The following ME1 variants were observed in gnomAD, a reference collection of about 807,000 sequenced individuals.
ME1 encodes the protein NADP-dependent malic enzyme.
Under a neutral mutation model 66.4 loss-of-function variants are expected in ME1, and 74 were observed. The observed-to-expected ratio is 1.11, with a 90% confidence interval of 0.92 to 1.35. The LOEUF (loss-of-function observed/expected upper bound fraction) is 1.35. Ranked by LOEUF, ME1 falls within the 40% of genes most tolerant of loss-of-function variation. The probability of loss-of-function intolerance (pLI) is 0.00; values close to 1 mark genes in which losing one functional copy is unlikely to be tolerated. For synonymous variants in ME1, 251 were observed against 235.6 expected (o/e 1.07, Z -0.60); for missense variants, 750 against 694.1 (o/e 1.08, Z -0.90).
At chr6:83,346,364 C>A in intron 4 of ME1, 30 bp from the exon 5 acceptor site, 1 of 1,517,272 alleles carries the variant, frequency 6.6e-7, no homozygotes, top group Non-Finnish European at 8.9e-7. Context: ...TACCTATTAA[C>A]AAGTTTTCAC....
intron 7 of ME1, among the ~76,000 whole-genome samples, chr6:83,246,614 T>G (rs1790628959): frequency 6.6e-6 from 1 of 152,134 alleles, no homozygotes; most frequent in African/African-American, 2.4e-5. Context: ...GGTAATTCAT[T>G]TAACCAAACC....
chr6:83,378,198 G>A (rs1769327599), intron 3 of ME1, among the ~76,000 whole-genome samples: 1 of 151,800 alleles, frequency 6.6e-6, no homozygotes, highest in Admixed American at 6.6e-5. Context: ...AATACAATGG[G>A]GGGGTGGGGA....
intron 6 of ME1, among the ~76,000 whole-genome samples, chr6:83,275,712 G>A (rs1444245764): frequency 1.4e-5 from 2 of 140,204 alleles, no homozygotes; most frequent in Admixed American, 7.6e-5. Context: ...TGATCCGCCC[G>A]CCTCGGCCTC....
intron 6 of ME1, among the ~76,000 whole-genome samples, chr6:83,254,334 C>T (rs1181612649): frequency 6.6e-6 from 1 of 152,112 alleles, no homozygotes; most frequent in Admixed American, 6.6e-5. Flanking sequence ...CCATTCCTCC[C>T]GTCTAGCTTC....
intron 6 of ME1, among the ~76,000 whole-genome samples, chr6:83,291,348 G>A (rs1327126199): frequency 6.6e-6 from 1 of 152,182 alleles, no homozygotes; most frequent in African/African-American, 2.4e-5. Flanking sequence ...TTGCTTGTCT[G>A]TAAAGCATTT....
chr6:83,246,011 T>C (rs1790614319), intron 7 of ME1, among the ~76,000 whole-genome samples: 2 of 152,114 alleles, frequency 1.3e-5, no homozygotes, highest in South Asian at 4.1e-4. Context: ...AGAATGCTAT[T>C]TTCTTTCTTT....
chr6:83,339,836 GGGA>G (rs2128542893), intron 5 of ME1, among the ~76,000 whole-genome samples: 1 of 114,428 alleles, frequency 8.7e-6, no homozygotes, highest in South Asian at 3.4e-4. Flanking sequence ...CGGGGGAGGG[GGGA>G]GGGATAGCAT....
intron 6 of ME1, among the ~76,000 whole-genome samples, chr6:83,286,370 T>A (rs1767397275): frequency 6.6e-6 from 1 of 152,192 alleles, no homozygotes; most frequent in South Asian, 2.1e-4. Context: ...CAGGTGGGTA[T>A]TTTGATGTGT....
intron 3 of ME1, among the ~76,000 whole-genome samples, chr6:83,359,435 G>A (rs560671634): frequency 1.7e-4 from 26 of 152,220 alleles, no homozygotes; most frequent in African/African-American, 6.0e-4. Context: ...TTAAGGGTGT[G>A]GAATAATGTT....
chr6:83,288,963 T>C (rs1767449284), intron 6 of ME1, among the ~76,000 whole-genome samples: 2 of 152,142 alleles, frequency 1.3e-5, no homozygotes, highest in Admixed American at 6.5e-5. Context: ...CTGTTATTGG[T>C]GTATAGGAAT....
chr6:83,319,403 T>C (rs1768110530), intron 5 of ME1, among the ~76,000 whole-genome samples: 1 of 151,820 alleles, frequency 6.6e-6, no homozygotes. Flanking sequence ...CCAGCCAACA[T>C]AGGAAGGAGG....
intron 2 of ME1, among the ~76,000 whole-genome samples, chr6:83,401,142 A>G (rs1039502862): frequency 6.6e-6 from 1 of 152,030 alleles, no homozygotes; most frequent in African/African-American, 2.4e-5. Flanking sequence ...TAATTTACCA[A>G]TTTGTATTAC....
At chr6:83,268,192 T>TA (rs933173703) in intron 6 of ME1, among the ~76,000 whole-genome samples, 39 of 152,112 alleles carry the variant, frequency 2.6e-4, no homozygotes, top group Non-Finnish European at 5.2e-4. Context: ...TTCTCAAAAA[T>TA]AAAAAAATTG....
intron 4 of ME1, 124 bp downstream of exon 4, chr6:83,351,940 G>A: frequency 2.0e-6 from 1 of 494,246 alleles, no homozygotes; most frequent in Non-Finnish European, 3.6e-6. Flanking sequence ...TAAATTAGGT[G>A]ATATTCACTA....
chr6:83,406,192 G>T (rs1562005391), intron 2 of ME1, among the ~76,000 whole-genome samples: 1 of 152,206 alleles, frequency 6.6e-6, no homozygotes, highest in Non-Finnish European at 1.5e-5. Context: ...CTTGATTGCG[G>T]TGGATAAGTT....
intron 3 of ME1, among the ~76,000 whole-genome samples, chr6:83,366,407 TC>T (rs1329944902): frequency 6.6e-6 from 1 of 152,184 alleles, no homozygotes; most frequent in African/African-American, 2.4e-5. Flanking sequence ...ATATTATTTT[TC>T]ACTTTCTTAT....
At chr6:83,320,177 C>A (rs1768124761) in intron 5 of ME1, among the ~76,000 whole-genome samples, 1 of 152,170 alleles carries the variant, frequency 6.6e-6, no homozygotes, top group Admixed American at 6.5e-5. Flanking sequence ...TCCAAACTGC[C>A]AGCCAACAGA....
intron 3 of ME1, among the ~76,000 whole-genome samples, chr6:83,391,864 A>G (rs918021698): frequency 2.0e-5 from 3 of 152,208 alleles, no homozygotes; most frequent in East Asian, 1.9e-4. Context: ...TCATCTTCCA[A>G]TGAGACCCAC....
At chr6:83,399,269 T>G (rs1769799737) in intron 2 of ME1, among the ~76,000 whole-genome samples, 1 of 152,080 alleles carries the variant, frequency 6.6e-6, no homozygotes, top group Non-Finnish European at 1.5e-5. Context: ...GTGCTGGGAT[T>G]ACAGGCATGA....
Sources: gnomAD v4.1 joint callset for allele counts (sites outside exome capture counted in the v4.1 genomes callset) on GRCh38, gnomAD v4.1.1 for gene constraint, MANE v1.5 for transcripts, NCBI Gene and HGNC (gene_info 2026-07-23, HGNC 2026-07-21) for gene names.